SLIT3: variants seen among roughly 807,000 people sequenced by gnomAD.
The protein encoded by SLIT3 is slit homolog 3 protein.
SLIT3 carries 68 observed loss-of-function variants against 184.0 expected under a neutral mutation model. The observed-to-expected ratio is 0.37, with a 90% CI of 0.30 to 0.45. The LOEUF (loss-of-function observed/expected upper bound fraction) is 0.45. SLIT3 is among the 20% of genes least tolerant of loss of function. The pLI is 1.00. For missense variants in SLIT3, 1,707 were observed against 2,026.0 expected, an observed-to-expected ratio of 0.84 and a Z score of 3.02; for synonymous variants, 831 against 828.6, an observed-to-expected ratio of 1.00 and a Z score of -0.05.
At position 169,204,065 on chromosome 5, in the gene SLIT3, G is replaced by A. The variant is rs143163952; in HGVS notation, c.342-10515C>T. ...GTGGGAGATGAAGACAAGGCAAGAG[G>A]AGTGTGGACTGAGTTCTGGGCTACA... On this transcript the variant is annotated intron_variant, in intron 3 of 35. Coordinates refer to ENST00000519560, the MANE Select transcript of SLIT3 (RefSeq NM_003062.4). Among the ~76,000 whole-genome samples, 537 of 152,232 alleles carry A rather than the reference G, an allele frequency of 3.5e-3. 2 individuals carry two copies. The highest frequency in any genetic ancestry group is 0.012 in the African/African-American group (505 of 41,522).
intron 4 of SLIT3, among the ~76,000 whole-genome samples, chr5:169,143,052 A>G (rs575903901): frequency 1.3e-5 from 2 of 152,314 alleles, no homozygotes; most frequent in Admixed American, 6.5e-5. Flanking sequence ...GGTGGATCCT[A>G]ATAGCCAGTA....
rs1369553711 is a variant in SLIT3, at chr5:168,760,899, T to C, written c.1648A>G (p.Thr550Ala). The change falls in exon 16 of 36, where the codon ACT becomes GCT. Residue 550 changes from threonine (T) to alanine (A), a missense_variant. By Grantham distance (58) the Thr-to-Ala change is moderately conservative. This residue lies in a region of SLIT3 where 1,307 missense variants were observed against 1,511.6 expected (regional missense o/e 0.86). Transcript: ENST00000519560. ...TTGGGCAACTTCTTGAAGATGCCAG[T>C]GGCCTCCAGAACAGATACCTCATTG... ...NDNEVSVLEATGIFKKLPNLR... is the reference protein window; with the variant it reads ...NDNEVSVLEAAGIFKKLPNLR... 1.2e-6 allele frequency: 2 copies of C among 1,613,934 alleles called. No homozygotes were observed. The highest frequency in any genetic ancestry group is 2.7e-5 in the African/African-American group (2 of 74,920).
At chr5:169,051,528 A>G (rs540536062) in intron 4 of SLIT3, among the ~76,000 whole-genome samples, 1 of 152,332 alleles carries the variant, frequency 6.6e-6, no homozygotes, top group Admixed American at 6.5e-5. Flanking sequence ...ATAATTAACC[A>G]AGTCATAAAG....
chr5:169,228,646 G>T (rs1167506355), intron 3 of SLIT3, among the ~76,000 whole-genome samples: 1 of 152,112 alleles, frequency 6.6e-6, no homozygotes, highest in Non-Finnish European at 1.5e-5. Flanking sequence ...CCTCTAAAAC[G>T]AAATAGAACA....
intron 5 of SLIT3, among the ~76,000 whole-genome samples, chr5:168,876,452 C>G (rs1283039580): frequency 1.3e-5 from 2 of 152,196 alleles, no homozygotes; most frequent in Non-Finnish European, 2.9e-5. Flanking sequence ...ATCTCCCTAA[C>G]CTCATTGCTC....
At chr5:168,795,959 T>C (rs1391945692) in intron 9 of SLIT3, among the ~76,000 whole-genome samples, 1 of 152,188 alleles carries the variant, frequency 6.6e-6, no homozygotes, top group Non-Finnish European at 1.5e-5. Context: ...AGATGGACCA[T>C]GGGCCAGCAA....
intron 4 of SLIT3, among the ~76,000 whole-genome samples, chr5:169,105,701 T>C (rs996357337): frequency 2.0e-5 from 3 of 152,250 alleles, no homozygotes; most frequent in African/African-American, 4.8e-5. Context: ...AGTGAGAACA[T>C]GCAGTGTTTG....
intron 4 of SLIT3, among the ~76,000 whole-genome samples, chr5:169,130,079 C>T (rs1009600888): frequency 6.6e-6 from 1 of 152,128 alleles, no homozygotes; most frequent in Non-Finnish European, 1.5e-5. Context: ...GAACTCCTGA[C>T]CTCATGATCC....
At chr5:169,091,579 C>A (rs1415094719) in intron 4 of SLIT3, among the ~76,000 whole-genome samples, 1 of 152,190 alleles carries the variant, frequency 6.6e-6, no homozygotes, top group Non-Finnish European at 1.5e-5. Context: ...GGATAAGCTA[C>A]CTTGACAATC....
At chr5:169,295,570 T>C (rs1432559034) in intron 1 of SLIT3, among the ~76,000 whole-genome samples, 2 of 152,218 alleles carry the variant, frequency 1.3e-5, no homozygotes, top group East Asian at 3.8e-4. Flanking sequence ...AACAGCAAGA[T>C]GTAACAGAGC....
chr5:168,683,563 T>C (rs946309531), intron 32 of SLIT3, among the ~76,000 whole-genome samples: 1 of 152,094 alleles, frequency 6.6e-6, no homozygotes, highest in Non-Finnish European at 1.5e-5. Flanking sequence ...CTCCGTGCCC[T>C]TGAGTTTCTT....
chr5:168,690,677 G>C (rs1013146476), intron 29 of SLIT3, among the ~76,000 whole-genome samples: 1 of 152,154 alleles, frequency 6.6e-6, no homozygotes, highest in Non-Finnish European at 1.5e-5. Flanking sequence ...TCTCACCCTT[G>C]TACTCAGGTA....
At chr5:169,272,933 T>G (rs1288150587) in intron 1 of SLIT3, among the ~76,000 whole-genome samples, 1 of 152,122 alleles carries the variant, frequency 6.6e-6, no homozygotes, top group African/African-American at 2.4e-5. Context: ...GTCAACCTGC[T>G]GGGGTGGGAG....
intron 3 of SLIT3, among the ~76,000 whole-genome samples, chr5:169,206,333 C>T (rs1243968571): frequency 6.6e-6 from 1 of 152,350 alleles, no homozygotes; most frequent in African/African-American, 2.4e-5. Flanking sequence ...AAAGCTGGTT[C>T]TAAATCAGAT....
intron 4 of SLIT3, chr5:169,024,221 C>T (rs991338646): frequency 2.0e-5 from 3 of 152,226 alleles, no homozygotes; most frequent in African/African-American, 4.8e-5. Flanking sequence ...ATGGCCAGTC[C>T]ACCCCGGGAG....
At chr5:169,044,862 G>A (rs949689976) in intron 4 of SLIT3, among the ~76,000 whole-genome samples, 1 of 152,188 alleles carries the variant, frequency 6.6e-6, no homozygotes, top group Non-Finnish European at 1.5e-5. Flanking sequence ...CCCCAGCTCT[G>A]TTTCTGGGCC....
chr5:168,889,326 G>A (rs1408531369), intron 4 of SLIT3, among the ~76,000 whole-genome samples: 1 of 152,194 alleles, frequency 6.6e-6, no homozygotes, highest in Admixed American at 6.5e-5. Flanking sequence ...GGTACCTCCA[G>A]CTGGGTGTCT....
At chr5:168,703,107 T>C (rs1315916144) in intron 26 of SLIT3, among the ~76,000 whole-genome samples, 1 of 152,148 alleles carries the variant, frequency 6.6e-6, no homozygotes, top group African/African-American at 2.4e-5. Flanking sequence ...AAATAATCAC[T>C]ATTGCCAACG....
intron 4 of SLIT3, among the ~76,000 whole-genome samples, chr5:168,966,494 G>A (rs913876289): frequency 1.3e-5 from 2 of 152,128 alleles, no homozygotes; most frequent in Non-Finnish European, 2.9e-5. Flanking sequence ...GCTGCCTCTT[G>A]GTATGCTACC....
Sources: allele counts gnomAD v4.1 joint callset (sites outside exome capture counted in the v4.1 genomes callset), GRCh38; gene constraint gnomAD v4.1.1; regional missense constraint gnomAD v4.1.1; transcripts MANE v1.5; gene names NCBI Gene and HGNC (gene_info 2026-07-23, HGNC 2026-07-21).